The following LIN9 variants were observed in gnomAD, a reference collection of about 807,000 sequenced individuals.
LIN9 encodes the protein lin-9 DREAM MuvB core complex component.
LIN9 carries 18 observed loss-of-function variants against 78.0 expected under a neutral mutation model. That is an observed-to-expected ratio of 0.23 (90% CI 0.16 to 0.34). LIN9 has a LOEUF of 0.34. Among genes scored for constraint, LIN9 ranks in the 10% least tolerant of loss-of-function variants. The pLI, the probability that LIN9 is intolerant of heterozygous loss-of-function variation, is 1.00. For missense variants in LIN9, 451 were observed against 644.1 expected (o/e 0.70, Z 3.25); for synonymous variants, 192 against 215.2 (o/e 0.89, Z 0.94).
At chr1:226,281,801 C>A (rs1661081266) in intron 6 of LIN9, among the ~76,000 whole-genome samples, 2 of 151,158 alleles carry the variant, frequency 1.3e-5, no homozygotes, top group African/African-American at 4.9e-5. Flanking sequence ...TCAAGCAATT[C>A]TCCTGCCTCA....
intron 1 of LIN9, 85 bp downstream of exon 1, chr1:226,309,024 G>A: frequency 7.9e-7 from 1 of 1,259,726 alleles, no homozygotes; most frequent in Non-Finnish European, 1.0e-6. Flanking sequence ...GCCCAGCGGA[G>A]GGCACGGCCG....
At chr1:226,299,195 T>C (rs1206399797) in intron 2 of LIN9, among the ~76,000 whole-genome samples, 2 of 152,158 alleles carry the variant, frequency 1.3e-5, no homozygotes, top group Non-Finnish European at 2.9e-5. Flanking sequence ...ACGTTACTTA[T>C]ATAAATGATT....
At chr1:226,308,310 T>C (rs997809836) in intron 1 of LIN9, among the ~76,000 whole-genome samples, 1 of 151,482 alleles carries the variant, frequency 6.6e-6, no homozygotes, top group Non-Finnish European at 1.5e-5. Flanking sequence ...TCAGGGTGAG[T>C]AAACATGGTT....
intron 10 of LIN9, among the ~76,000 whole-genome samples, chr1:226,257,032 C>A (rs1659246091): frequency 6.6e-6 from 1 of 152,116 alleles, no homozygotes; most frequent in Non-Finnish European, 1.5e-5. Flanking sequence ...TGGCTCCCTG[C>A]AGCCTCCACC....
chr1:226,308,038 C>A (rs1214599618), intron 1 of LIN9, among the ~76,000 whole-genome samples: 1 of 152,162 alleles, frequency 6.6e-6, no homozygotes, highest in Admixed American at 6.5e-5. Context: ...AAAATGGAAT[C>A]GGTAGTATGT....
chr1:226,272,049 A>T (rs1404970294), intron 7 of LIN9, among the ~76,000 whole-genome samples: 4 of 141,636 alleles, frequency 2.8e-5, no homozygotes, highest in African/African-American at 9.0e-5. Context: ...TCATTATCTT[A>T]ACTTTTTTTT....
intron 3 of LIN9, among the ~76,000 whole-genome samples, chr1:226,296,884 C>T (rs982792083): frequency 2.0e-4 from 31 of 152,060 alleles, no homozygotes; most frequent in African/African-American, 7.0e-4. Flanking sequence ...ATTAGCTGGG[C>T]GTGGTGGCAC....
In LIN9 at chr1:226,250,826, G is replaced by T; in HGVS notation, c.1119+13C>A. ...AGACAAGCAAATGAAGAAAAAAAAA[G>T]AGAAATTCTTACCAATTTTTCTGCT... On this transcript the variant is annotated intron_variant, in intron 11 of 14. Coordinates refer to ENST00000681046, the MANE Select transcript of LIN9 (RefSeq NM_001366245.2). 1.5e-6 allele frequency: 2 copies of T among 1,366,620 alleles called. No individual in the cohort carries two copies. The highest frequency in any genetic ancestry group is 1.3e-5 in the South Asian group (1 of 79,996). The allele number at this position is 1,366,620 out of a possible 1,614,324, so 84.7% of individuals were successfully genotyped here.
At chr1:226,307,631 T>C (rs1417013816) in intron 1 of LIN9, among the ~76,000 whole-genome samples, 1 of 152,164 alleles carries the variant, frequency 6.6e-6, no homozygotes, top group African/African-American at 2.4e-5. Context: ...TGAAACTCCA[T>C]CTCAAAATAA....
intron 6 of LIN9, among the ~76,000 whole-genome samples, chr1:226,279,125 C>T (rs762307475): frequency 5.9e-5 from 9 of 151,810 alleles, no homozygotes; most frequent in South Asian, 2.1e-4. Context: ...CGTGCCACTG[C>T]GCTCCAGCCT....
At chr1:226,264,674 C>T (rs900901439) in intron 10 of LIN9, among the ~76,000 whole-genome samples, 1 of 152,024 alleles carries the variant, frequency 6.6e-6, no homozygotes, top group East Asian at 1.9e-4. Flanking sequence ...AGTGAAACCC[C>T]ATCTCTATTA....
chr1:226,289,959 A>G (rs1661646646), intron 4 of LIN9, among the ~76,000 whole-genome samples: 1 of 151,926 alleles, frequency 6.6e-6, no homozygotes. Flanking sequence ...GAATTCTAAA[A>G]TGATAAATTT....
chr1:226,301,529 T>C (rs994249401), intron 1 of LIN9, among the ~76,000 whole-genome samples: 1 of 151,970 alleles, frequency 6.6e-6, no homozygotes, highest in African/African-American at 2.4e-5. Flanking sequence ...AGGCGTGCTG[T>C]GGTGCTGGAA....
At chr1:226,278,486 T>G (rs1660809221) in intron 6 of LIN9, among the ~76,000 whole-genome samples, 2 of 151,364 alleles carry the variant, frequency 1.3e-5, no homozygotes, top group Admixed American at 6.6e-5. Flanking sequence ...TCACCACTCC[T>G]TTTTTTCTTC....
At chr1:226,301,341 G>A (rs1662523685) in intron 1 of LIN9, 136 bp from the exon 2 acceptor site, 1 of 592,846 alleles carries the variant, frequency 1.7e-6, no homozygotes, top group Non-Finnish European at 3.0e-6. Context: ...TGTGCAATTC[G>A]AAATATCTGG....
chr1:226,253,549 C>T (rs558829897), intron 10 of LIN9, among the ~76,000 whole-genome samples: 52 of 151,650 alleles, frequency 3.4e-4, no homozygotes, highest in African/African-American at 1.1e-3. Flanking sequence ...TTAGCCTCAG[C>T]CTCCCAAAGT....
intron 10 of LIN9, among the ~76,000 whole-genome samples, chr1:226,254,494 T>C (rs1659060256): frequency 6.6e-6 from 1 of 152,178 alleles, no homozygotes; most frequent in African/African-American, 2.4e-5. Flanking sequence ...ATATAGATTA[T>C]AAATTTTAAA....
chr1:226,275,686 C>G (rs1263397737), intron 7 of LIN9, among the ~76,000 whole-genome samples: 2 of 111,448 alleles, frequency 1.8e-5, no homozygotes, highest in Non-Finnish European at 3.6e-5. Context: ...AGCAAGACTC[C>G]GTCTCAGAAA....
chr1:226,292,346 G>A (rs769009820), intron 4 of LIN9, among the ~76,000 whole-genome samples: 1 of 152,160 alleles, frequency 6.6e-6, no homozygotes, highest in Non-Finnish European at 1.5e-5. Flanking sequence ...TTTTGGTAGA[G>A]ACGGGATTTC....
Sources: allele counts gnomAD v4.1 joint callset (sites outside exome capture counted in the v4.1 genomes callset), GRCh38; gene constraint gnomAD v4.1.1; transcripts MANE v1.5; gene names NCBI Gene and HGNC (gene_info 2026-07-23, HGNC 2026-07-21).